The following RALGAPB variants were observed in gnomAD, a reference collection of about 807,000 sequenced individuals.
The protein encoded by RALGAPB is Ral GTPase activating protein non-catalytic subunit beta.
RALGAPB carries 25 observed loss-of-function variants against 161.1 expected under a neutral mutation model. The observed-to-expected ratio is 0.16, with a 90% CI of 0.11 to 0.22. The LOEUF (loss-of-function observed/expected upper bound fraction) is 0.22. Ranked by LOEUF, RALGAPB falls within the 10% of genes least tolerant of loss-of-function variation. RALGAPB has a pLI of 1.00. For missense variants in RALGAPB, 1,391 were observed against 1,815.2 expected, an observed-to-expected ratio of 0.77 and a Z score of 4.25; for synonymous variants, 629 against 626.1, an observed-to-expected ratio of 1.00 and a Z score of -0.07.
intron 18 of RALGAPB, among the ~76,000 whole-genome samples, chr20:38,541,974 G>A (rs2086984558): frequency 6.6e-6 from 1 of 152,156 alleles, no homozygotes; most frequent in African/African-American, 2.4e-5. Context: ...AAGACAGGGA[G>A]TTTGGTACCT....
intron 27 of RALGAPB, 46 bp downstream of exon 27, chr20:38,570,042 C>T (rs1163406158): frequency 2.7e-6 from 4 of 1,467,714 alleles, no homozygotes; most frequent in Admixed American, 1.7e-5. Flanking sequence ...CAATATATGA[C>T]AGTGACTTGC....
chr20:38,561,549 C>T (rs1012954539), intron 23 of RALGAPB, among the ~76,000 whole-genome samples: 4 of 152,112 alleles, frequency 2.6e-5, no homozygotes, highest in African/African-American at 9.7e-5. Context: ...TCCAGGATTC[C>T]GCCTTCACTG....
rs2087028456 is a variant in RALGAPB at position 38,543,107 on chromosome 20, CTCATCTGTTTCGCT to C, written c.2714+1919_2714+1932del. ...TCAACCTCACCAGTAAGCTACATGGCTCATCTGTTTCGCTTCAGCTGTCTTGTCTCTGCTAGCAG... is the reference window on the plus strand; with the variant it reads ...TCAACCTCACCAGTAAGCTACATGGCTCAGCTGTCTTGTCTCTGCTAGCAG... On this transcript the variant is annotated intron_variant, in intron 18 of 29. Coordinates refer to ENST00000262879, the MANE Select transcript of RALGAPB (RefSeq NM_020336.4). Among the ~76,000 whole-genome samples, 8 of 152,288 alleles carry C rather than the reference CTCATCTGTTTCGCT, an allele frequency of 5.3e-5. No individual in the cohort carries two copies. The South Asian group carries it at 1.7e-3, about 32-fold the overall frequency.
chr20:38,496,902 A>C (rs966273936), intron 3 of RALGAPB, among the ~76,000 whole-genome samples: 8 of 152,198 alleles, frequency 5.3e-5, no homozygotes, highest in South Asian at 2.1e-4. Flanking sequence ...GACTATGAGC[A>C]CTGTAAAATC....
At chr20:38,490,543 G>C (rs924384065) in intron 2 of RALGAPB, among the ~76,000 whole-genome samples, 1 of 151,514 alleles carries the variant, frequency 6.6e-6, no homozygotes, top group Non-Finnish European at 1.5e-5. Flanking sequence ...TCTCGCTCTT[G>C]TTGGCCAGGC....
At chr20:38,551,043 A>G (rs758956035) in intron 20 of RALGAPB, 28 bp from the exon 21 acceptor site, 17 of 1,610,594 alleles carry the variant, frequency 1.1e-5, no homozygotes, top group African/African-American at 2.7e-5. Flanking sequence ...ACCCTGTGTA[A>G]TAAACATAAT....
At chr20:38,531,128 G>A (rs1041736933) in intron 13 of RALGAPB, 39 bp from the exon 14 acceptor site, 2 of 1,468,414 alleles carry the variant, frequency 1.4e-6, no homozygotes, top group Admixed American at 1.7e-5. Flanking sequence ...TAGTGTTCTT[G>A]TGTATTTTAT....
chr20:38,509,304 A>C (rs918583221), intron 6 of RALGAPB, 96 bp downstream of exon 6: 1 of 1,321,164 alleles, frequency 7.6e-7, no homozygotes, highest in African/African-American at 1.5e-5. Flanking sequence ...CAGAAGGTGG[A>C]CACTAAGCCC....
rs751713519 is a variant in RALGAPB at position 38,574,996 on chromosome 20, C to A, written c.*29C>A. 2 of 1,548,448 alleles carry A rather than the reference C, an allele frequency of 1.3e-6. No individual in the cohort carries two copies. Among genetic ancestry groups the A allele is most frequent in the African/African-American group, 2.7e-5 (2 of 73,396 alleles). On this transcript the variant is annotated 3_prime_UTR_variant, in exon 30 of 30. Coordinates refer to ENST00000262879, the MANE Select transcript of RALGAPB (RefSeq NM_020336.4). ...ACTGAATTTCTAAGACTGTTGAACT[C>A]CAGTTTGGGAACTATAACACAGCAG...
At chr20:38,536,518 C>T (rs975617678) in intron 16 of RALGAPB, among the ~76,000 whole-genome samples, 3 of 152,084 alleles carry the variant, frequency 2.0e-5, no homozygotes, top group Non-Finnish European at 2.9e-5. Context: ...ATATGGTAAC[C>T]CTATGTTTAA....
Position 38,535,114 on chromosome 20 carries a change from C to T in RALGAPB, c.2286C>T (p.Ser762=), listed in dbSNP as rs766360169. 3.7e-6 allele frequency: 6 copies of T among 1,613,874 alleles called. No homozygotes were observed. Among genetic ancestry groups the T allele is most frequent in the Middle Eastern group, 1.6e-4 (1 of 6,080 alleles). ...CAGCTGCTGGGCTCCTGATTCGCAG[C>T]ATTCATCTCGTCACCCAAAGACTCA... ...TDSAAGLLIR[S]IHLVTQRLNS... is the part of the protein sequence containing the mutation. The change falls in exon 16 of 30, where the codon AGC becomes AGT. Residue 762 remains serine (S), a synonymous_variant. Coordinates refer to ENST00000262879, the MANE Select transcript of RALGAPB (RefSeq NM_020336.4).
intron 1 of RALGAPB, among the ~76,000 whole-genome samples, chr20:38,482,426 C>T (rs368482279): frequency 8.2e-5 from 10 of 121,340 alleles, no homozygotes; most frequent in African/African-American, 1.8e-4. Context: ...GTATGTTTAT[C>T]TTTTTTTTTT....
At chr20:38,551,338 G>A in intron 21 of RALGAPB, 115 bp downstream of exon 21, 1 of 1,194,442 alleles carries the variant, frequency 8.4e-7, no homozygotes, top group Non-Finnish European at 1.2e-6. Context: ...GATGACATGG[G>A]CCTCCATCAT....
chr20:38,523,816 G>T (rs1461003640), intron 10 of RALGAPB, among the ~76,000 whole-genome samples: 1 of 152,218 alleles, frequency 6.6e-6, no homozygotes, highest in Non-Finnish European at 1.5e-5. Context: ...AAGAGGACCT[G>T]TAAAAGAAAA....
At chr20:38,532,300 G>A (rs528209583) in intron 14 of RALGAPB, among the ~76,000 whole-genome samples, 63 of 152,264 alleles carry the variant, frequency 4.1e-4, no homozygotes, top group African/African-American at 1.3e-3. Context: ...CTCGTGATCC[G>A]CCTGCCTCGG....
chr20:38,552,221 A>G (rs1271873762), intron 21 of RALGAPB, among the ~76,000 whole-genome samples: 3 of 151,488 alleles, frequency 2.0e-5, no homozygotes, highest in African/African-American at 4.9e-5. Context: ...GCTCACTGCA[A>G]TCTCCGCCTC....
intron 12 of RALGAPB, 88 bp from the exon 13 acceptor site, chr20:38,525,807 T>A: frequency 7.4e-7 from 1 of 1,354,564 alleles, no homozygotes; most frequent in Non-Finnish European, 1.0e-6. Context: ...TTTCTCATTA[T>A]ACTGATCCGT....
At chr20:38,538,293 C>T in intron 16 of RALGAPB, 1 of 194,712 alleles carries the variant, frequency 5.1e-6, no homozygotes. Flanking sequence ...ACAGGGTGTG[C>T]TGGGCATCAA....
intron 17 of RALGAPB, among the ~76,000 whole-genome samples, chr20:38,540,640 T>C (rs1470208331): frequency 6.6e-6 from 1 of 152,206 alleles, no homozygotes; most frequent in Non-Finnish European, 1.5e-5. Context: ...TTGGATATTA[T>C]AATATGTCTT....
Sources: allele counts gnomAD v4.1 joint callset (sites outside exome capture counted in the v4.1 genomes callset), GRCh38; gene constraint gnomAD v4.1.1; transcripts MANE v1.5; gene names NCBI Gene and HGNC (gene_info 2026-07-23, HGNC 2026-07-21).